The following DOP1A variants were observed in gnomAD, a reference collection of about 807,000 sequenced individuals.
The protein encoded by DOP1A is DOP1 leucine zipper like protein A.
DOP1A carries 90 observed loss-of-function variants against 267.6 expected under a neutral mutation model. The ratio of observed to expected loss-of-function variants is 0.34; its 90% confidence interval spans 0.28 to 0.40. The LOEUF (loss-of-function observed/expected upper bound fraction) is 0.40. DOP1A is among the 10% of genes least tolerant of loss of function. DOP1A has a pLI of 1.00. For synonymous variants in DOP1A, 932 were observed against 999.1 expected, an observed-to-expected ratio of 0.93 and a Z score of 1.27; for missense variants, 2,437 against 2,900.4, an observed-to-expected ratio of 0.84 and a Z score of 3.67.
intron 1 of DOP1A, among the ~76,000 whole-genome samples, chr6:83,079,188 A>G (rs1235051852): frequency 6.6e-6 from 1 of 152,214 alleles, no homozygotes; most frequent in African/African-American, 2.4e-5. Flanking sequence ...CCTTTTTTAA[A>G]AAAGCATCTT....
At position 83,137,340 on chromosome 6, in the gene DOP1A, G is replaced by C; in HGVS notation, c.3298G>C (p.Asp1100His). ...PMVVSDFDLP[D>H]QQIEILQSSD... is the part of the protein sequence containing the mutation. ...GGTTGTGTCTGATTTTGATCTTCCA[G>C]ACCAACAGATAGAAATACTTCAGAG... Residue 1100 changes from aspartate to histidine, a missense_variant, in exon 21 of 39, where the codon GAC becomes CAC. This residue lies in a region of DOP1A where 878 missense variants were observed against 992.9 expected (regional missense o/e 0.88). Coordinates refer to ENST00000349129, the MANE Select transcript of DOP1A (RefSeq NM_015018.4). 1 of 1,613,792 alleles carries C rather than the reference G, an allele frequency of 6.2e-7. No individual in the cohort carries two copies. The highest frequency in any genetic ancestry group is 8.5e-7 in the Non-Finnish European group (1 of 1,179,804).
At chr6:83,132,357 C>T in intron 18 of DOP1A, 29 bp downstream of exon 18, 1 of 1,570,488 alleles carries the variant, frequency 6.4e-7, no homozygotes, top group Non-Finnish European at 8.7e-7. Flanking sequence ...TGCACACCGC[C>T]CCCTCCGCCA....
chr6:83,168,596 GT>G, downstream of DOP1A: 2 of 996,734 alleles, frequency 2.0e-6, no homozygotes, highest in Non-Finnish European at 2.4e-6. Flanking sequence ...ATTATAATTA[GT>G]TTTTCTCCCA....
downstream of DOP1A, chr6:83,169,684 ACT>A (rs1786679384): frequency 1.5e-5 from 7 of 462,488 alleles, 1 homozygote; most frequent in Admixed American, 1.4e-4. Context: ...TATTCATTAG[ACT>A]CTGAGATGGC....
intron 37 of DOP1A, among the ~76,000 whole-genome samples, chr6:83,160,783 G>T (rs2128412447): frequency 6.6e-6 from 1 of 152,216 alleles, no homozygotes; most frequent in South Asian, 2.1e-4. Context: ...ATTATATTGT[G>T]TCTTATTTTT....
chr6:83,139,160 T>C lies in DOP1A; in HGVS notation c.5118T>C (p.Ser1706=). The C allele has an allele frequency of 1.2e-6, 2 of 1,606,144 alleles. No individual in the cohort carries two copies. The highest frequency in any genetic ancestry group is 1.7e-6 in the Non-Finnish European group (2 of 1,174,246). The stretch of plus-strand genomic sequence containing the variant: ...AATACGAAACAGGATTATCTGATAG[T>C]AGGTAAGAGGTGATTTTTAACTTTA... The part of the protein sequence containing the change: ...QYKYETGLSD[S]RPLWMASIIP... The change falls in exon 21 of 39, where the codon AGT becomes AGC. Residue 1706 remains serine, a splice_region_variant and synonymous_variant. Coordinates refer to ENST00000349129, the MANE Select transcript of DOP1A (RefSeq NM_015018.4).
At chr6:83,116,821 C>T (rs1404900582) in intron 7 of DOP1A, among the ~76,000 whole-genome samples, 1 of 151,908 alleles carries the variant, frequency 6.6e-6, no homozygotes, top group Admixed American at 6.6e-5. Flanking sequence ...AAAAAAAATC[C>T]AAAAAATACA....
chr6:83,115,039 T>A (rs924134464), intron 7 of DOP1A, among the ~76,000 whole-genome samples: 1 of 152,206 alleles, frequency 6.6e-6, no homozygotes, highest in Non-Finnish European at 1.5e-5. Context: ...GATTGTATTA[T>A]AATTGTGACT....
At position 83,120,771 on chromosome 6, in the gene DOP1A, T is replaced by G. The variant is rs781740683; in HGVS notation, c.1079T>G (p.Leu360Ter). The G allele has an allele frequency of 6.3e-7, 1 of 1,574,872 alleles. No homozygotes were observed. The highest frequency in any genetic ancestry group is 1.2e-5 in the South Asian group (1 of 85,256). The change falls in exon 10 of 39, where the codon TTA becomes TGA. Residue 360 changes from leucine (L) to a stop codon, truncating the protein, a stop_gained. Coordinates refer to ENST00000349129, the MANE Select transcript of DOP1A (RefSeq NM_015018.4). LOFTEE classifies it high-confidence loss of function. ...AAGCCTTTTCGCATTTTAATCAGTT[T>G]ACTGGACAAACCTGAGCTAGGTAAT... is the stretch of plus-strand genomic sequence containing the variant. ...DLKPFRILIS[L>*]LDKPELGPVI...
Position 83,129,506 on chromosome 6 carries a change from C to T in DOP1A, c.2339C>T (p.Thr780Ile). ...TSELRSEKLE[T>I]DCEHVQPPQW... is the part of the protein sequence containing the mutation. ...GAGTTACGTTCTGAAAAATTGGAGA[C>T]TGGTAAGGTCATCTCAGTTTTGCTT... is the stretch of plus-strand genomic sequence containing the variant. The change falls in exon 16 of 39, where the codon ACT becomes ATT. Residue 780 changes from threonine to isoleucine, a missense_variant and splice_region_variant. Coordinates refer to ENST00000349129, the MANE Select transcript of DOP1A (RefSeq NM_015018.4). 1 of 1,513,526 alleles carries T rather than the reference C, an allele frequency of 6.6e-7. No individual in the cohort carries two copies. The highest frequency in any genetic ancestry group is 8.8e-7 in the Non-Finnish European group (1 of 1,138,564). The allele number at this position is 1,513,526 out of a possible 1,614,324, so 93.8% of individuals were successfully genotyped here. A position where few individuals can be genotyped will look rare whatever the true frequency, so the allele number is the denominator to read the frequency against.
intron 4 of DOP1A, among the ~76,000 whole-genome samples, chr6:83,108,299 C>T (rs567999108): frequency 2.0e-5 from 3 of 152,302 alleles, no homozygotes; most frequent in African/African-American, 7.2e-5. Context: ...CTACTCTCAG[C>T]CTCCCAAGTA....
intron 27 of DOP1A, among the ~76,000 whole-genome samples, 189 bp downstream of exon 27, chr6:83,149,052 G>T (rs769265101): frequency 1.7e-4 from 26 of 151,946 alleles, no homozygotes; most frequent in African/African-American, 6.0e-4. Context: ...GTGAGAGGAG[G>T]AAACAGTCTA....
In DOP1A at chr6:83,108,370, G is replaced by T. The variant is rs923861976; in HGVS notation, c.321-540G>T. ...AATTTTTATTTTTTGTAGAGATGGG[G>T]TCTCACTATATTTCCTGGGCTGGTC... On this transcript the variant is annotated intron_variant, in intron 4 of 38. Transcript: ENST00000349129. 2.0e-5 allele frequency among the ~76,000 whole-genome samples: 3 copies of T among 152,174 alleles called. No individual in the cohort carries two copies. In the South Asian group the frequency reaches 6.2e-4, roughly 32 times the overall value.
intron 1 of DOP1A, among the ~76,000 whole-genome samples, chr6:83,082,241 G>A (rs1014767585): frequency 5.9e-5 from 9 of 152,176 alleles, no homozygotes; most frequent in African/African-American, 2.2e-4. Flanking sequence ...TATTCACATA[G>A]CCAAGATATG....
At chr6:83,126,900 GAGTTTTTAAGGATAATTTGGTGGGT>G (rs1217347956) in intron 15 of DOP1A, among the ~76,000 whole-genome samples, 1 of 152,136 alleles carries the variant, frequency 6.6e-6, no homozygotes, top group East Asian at 1.9e-4. Flanking sequence ...TTAGGGATCA[GAGTTTTTAAGGATAATTTGGTGGGT>G]AGGGGGCCAG....
Position 83,151,586 on chromosome 6 carries a change from C to A in DOP1A, c.5838-7C>A. The A allele has an allele frequency of 6.3e-7, 1 of 1,592,664 alleles. No homozygotes were observed. The highest frequency in any genetic ancestry group is 8.5e-7 in the Non-Finnish European group (1 of 1,173,412). On this transcript the variant is annotated splice_polypyrimidine_tract_variant and splice_region_variant and intron_variant, in intron 27 of 38. Transcript: ENST00000349129. ...TCCCGTTTCTGTTTTCTCTTTGGCC[C>A]TTTTAGGGTTCTGAATGAGTTTATT...
chr6:83,101,934 A>G (rs557078390), intron 4 of DOP1A, among the ~76,000 whole-genome samples: 12 of 152,270 alleles, frequency 7.9e-5, no homozygotes, highest in African/African-American at 2.9e-4. Flanking sequence ...TATTAATTAT[A>G]GTCTTCATGT....
chr6:83,168,023 C>T lies in DOP1A; in HGVS notation c.7254C>T (p.His2418=), dbSNP rs1175953209. ...AAGTCACAAGCCGATGTGGAGGACA[C>T]TCAGGGAGTCCTATCCTCTACTCAA... is the stretch of plus-strand genomic sequence containing the variant. ...NSKVTSRCGG[H]SGSPILYSNA... is the part of the protein sequence containing the mutation. Residue 2418 remains histidine (H), a synonymous_variant, in exon 39 of 39, where the codon CAC becomes CAT. Coordinates refer to ENST00000349129, the MANE Select transcript of DOP1A (RefSeq NM_015018.4). 7 of 1,614,050 alleles carry T rather than the reference C, an allele frequency of 4.3e-6. No homozygotes were observed. The South Asian group carries it at 6.6e-5, about 15-fold the overall frequency.
intron 3 of DOP1A, among the ~76,000 whole-genome samples, chr6:83,099,723 T>TATATATACACACGTATAC (rs1554227581): frequency 0.014 from 2,114 of 151,078 alleles, 56 homozygotes; most frequent in African/African-American, 0.049. Flanking sequence ...TACATATATA[T>TATATATACACACGTATAC]ATATATATAC....
Sources: gnomAD v4.1 joint callset for allele counts (sites outside exome capture counted in the v4.1 genomes callset) on GRCh38, gnomAD v4.1.1 for gene constraint, gnomAD v4.1.1 regional missense constraint, MANE v1.5 for transcripts, NCBI Gene and HGNC (gene_info 2026-07-23, HGNC 2026-07-21) for gene names.